Variants in PSD3 observed in about 807,000 individuals in gnomAD.
PSD3 encodes PH and SEC7 domain-containing protein 3.
PSD3 carries 49 observed loss-of-function variants against 105.5 expected under a neutral mutation model. The observed-to-expected ratio is 0.46, with a 90% CI of 0.37 to 0.59. PSD3 has a LOEUF of 0.59. Ranked by LOEUF, PSD3 falls within the 20% of genes least tolerant of loss-of-function variation. PSD3 has a pLI of 0.00. For synonymous variants in PSD3, 557 were observed against 457.8 expected, an observed-to-expected ratio of 1.22 and a Z score of -2.77; for missense variants, 1,561 against 1,263.8, an observed-to-expected ratio of 1.24 and a Z score of -3.57.
chr8:18,932,692 A>G (rs1245569294), intron 2 of PSD3, among the ~76,000 whole-genome samples: 1 of 152,214 alleles, frequency 6.6e-6, no homozygotes, highest in Non-Finnish European at 1.5e-5. Context: ...AAACTCTTCA[A>G]CTTGCCTTAG....
chr8:18,870,230 G>A (rs1817233396), intron 3 of PSD3, among the ~76,000 whole-genome samples: 1 of 152,156 alleles, frequency 6.6e-6, no homozygotes, highest in Non-Finnish European at 1.5e-5. Context: ...TGACACAGAT[G>A]CTCTCCCGTA....
rs1799586691 is a variant in PSD3 at position 18,530,408 on chromosome 8, T to C, written c.*5335A>G. 6.6e-6 allele frequency: 1 copy of C among 152,486 alleles called. No individual in the cohort carries two copies. Among genetic ancestry groups the C allele is most frequent in the Non-Finnish European group, 1.5e-5 (1 of 68,040 alleles). 9.4% of individuals were successfully genotyped at this position (152,486 alleles called of 1,614,324 possible). On this transcript the variant is annotated 3_prime_UTR_variant, in exon 16 of 16. Coordinates refer to ENST00000327040, the MANE Select transcript of PSD3 (RefSeq NM_015310.4). ...TAGGATACAGTACCCAATCCTGGGA[T>C]GCCCTGATATACTTTAGTGCTTGTG...
intron 2 of PSD3, among the ~76,000 whole-genome samples, chr8:18,889,172 T>C (rs1818625661): frequency 1.3e-5 from 2 of 152,260 alleles, no homozygotes; most frequent in Admixed American, 6.5e-5. Flanking sequence ...ACATGTTCTC[T>C]AGTCTTTTAC....
intron 11 of PSD3, among the ~76,000 whole-genome samples, chr8:18,628,462 C>T (rs565452095): frequency 6.6e-6 from 1 of 151,686 alleles, no homozygotes; most frequent in Non-Finnish European, 1.5e-5. Context: ...GGAAAAACAA[C>T]CTGCCAAAGG....
chr8:18,739,914 T>C (rs1353452443), intron 9 of PSD3, among the ~76,000 whole-genome samples: 2 of 152,216 alleles, frequency 1.3e-5, no homozygotes, highest in Admixed American at 1.3e-4. Context: ...GAAAGTAACA[T>C]TATCAGCTAT....
chr8:18,841,289 T>G (rs554010468), intron 4 of PSD3, among the ~76,000 whole-genome samples: 1 of 152,252 alleles, frequency 6.6e-6, no homozygotes, highest in African/African-American at 2.4e-5. Context: ...AAGTCTGTTG[T>G]GTATTCTCAG....
chr8:18,917,991 C>T (rs1343827954), intron 2 of PSD3, among the ~76,000 whole-genome samples: 2 of 152,164 alleles, frequency 1.3e-5, no homozygotes, highest in Admixed American at 6.5e-5. Context: ...CTCTCCAAAA[C>T]CACAATCTAT....
At chr8:18,777,539 A>C (rs149837601) in intron 8 of PSD3, among the ~76,000 whole-genome samples, 1 of 152,330 alleles carries the variant, frequency 6.6e-6, no homozygotes, top group East Asian at 1.9e-4. Context: ...TTAAGAAAAC[A>C]TTAACACATA....
chr8:18,860,962 C>G (rs373781905), intron 4 of PSD3, among the ~76,000 whole-genome samples: 1 of 152,168 alleles, frequency 6.6e-6, no homozygotes, highest in African/African-American at 2.4e-5. Context: ...CCATGCTCTT[C>G]ACACCAGTAG....
chr8:18,606,820 G>A (rs1765896896), intron 11 of PSD3, among the ~76,000 whole-genome samples: 1 of 152,196 alleles, frequency 6.6e-6, no homozygotes, highest in South Asian at 2.1e-4. Context: ...CTACACTGCA[G>A]CACTCTGAGT....
At chr8:18,978,037 T>C (rs73204546) in intron 1 of PSD3, among the ~76,000 whole-genome samples, 5,452 of 152,270 alleles carry the variant, frequency 0.036, 167 homozygotes, top group Middle Eastern at 0.13. Context: ...AAAACAGCAA[T>C]TGATCATCAG....
At chr8:18,709,609 G>C (rs1802121513) in intron 9 of PSD3, among the ~76,000 whole-genome samples, 1 of 152,188 alleles carries the variant, frequency 6.6e-6, no homozygotes, top group South Asian at 2.1e-4. Context: ...TCAGGTCAGT[G>C]TCCCTCTAGG....
chr8:19,027,891 C>G (rs900600193), intron 1 of PSD3, among the ~76,000 whole-genome samples: 1 of 152,168 alleles, frequency 6.6e-6, no homozygotes, highest in African/African-American at 2.4e-5. Flanking sequence ...AAATAAAATG[C>G]TATGAACATC....
At chr8:19,078,556 C>T (rs976448440) in intron 1 of PSD3, among the ~76,000 whole-genome samples, 11 of 152,054 alleles carry the variant, frequency 7.2e-5, no homozygotes, top group Non-Finnish European at 8.8e-5. Context: ...CTCCTCTGCT[C>T]TCTGCTCCCC....
intron 9 of PSD3, among the ~76,000 whole-genome samples, chr8:18,725,363 A>C (rs1803275871): frequency 6.6e-6 from 1 of 152,240 alleles, no homozygotes; most frequent in African/African-American, 2.4e-5. Context: ...ATCTTCAAAG[A>C]ACTGAATATT....
chr8:18,937,792 G>T (rs1045368182), intron 1 of PSD3, among the ~76,000 whole-genome samples: 11 of 152,204 alleles, frequency 7.2e-5, no homozygotes, highest in Non-Finnish European at 1.6e-4. Context: ...CGGCCAAGGG[G>T]CTGCCACGTA....
rs572002379 is a variant in PSD3, at chr8:18,650,624, G to C, written c.2216+5018C>G. On this transcript the variant is annotated intron_variant, in intron 10 of 15. Transcript: ENST00000327040. ...CTCATGTTGTGTTCTCATTAGGCAA[G>C]GATCTGTGTCTTATTCATATTTGTA... Among the ~76,000 whole-genome samples, 11 of 152,256 alleles carry C rather than the reference G, an allele frequency of 7.2e-5. No homozygotes were observed. The South Asian group carries it at 2.3e-3, about 32-fold the overall frequency.
intron 1 of PSD3, among the ~76,000 whole-genome samples, chr8:19,083,549 C>A (rs1411273899): frequency 6.6e-6 from 1 of 152,074 alleles, no homozygotes; most frequent in Admixed American, 6.6e-5. Flanking sequence ...TGGTGGTGGT[C>A]TAGGTGTGTT....
At position 18,736,054 on chromosome 8, in the gene PSD3, A is replaced by C. The variant is rs138419271; in HGVS notation, c.2172+29395T>G. The stretch of plus-strand genomic sequence containing the variant: ...GGAAAGTAGCTTCTGACAAATTTCA[A>C]CTTTCTTAAAACAACGTAGAATTCC... On this transcript the variant is annotated intron_variant, in intron 9 of 15. Coordinates refer to ENST00000327040, the MANE Select transcript of PSD3 (RefSeq NM_015310.4). 4.3e-3 allele frequency among the ~76,000 whole-genome samples: 654 copies of C among 152,314 alleles called. 5 individuals carry two copies. Among genetic ancestry groups the C allele is most frequent in the African/African-American group, 0.015 (608 of 41,592 alleles).
Sources: gnomAD v4.1 joint callset for allele counts (sites outside exome capture counted in the v4.1 genomes callset) on GRCh38, gnomAD v4.1.1 for gene constraint, MANE v1.5 for transcripts, NCBI Gene and HGNC (gene_info 2026-07-23, HGNC 2026-07-21) for gene names.